GLYATL1: variants seen among roughly 807,000 people sequenced by gnomAD.
GLYATL1 encodes glycine N-acyltransferase-like protein 1.
GLYATL1 carries 15 observed loss-of-function variants against 20.0 expected under a neutral mutation model. That is an observed-to-expected ratio of 0.75 (90% CI 0.50 to 1.15). The LOEUF (loss-of-function observed/expected upper bound fraction) is 1.15, where lower values mean the gene tolerates loss of function less well. Among genes scored for constraint, GLYATL1 ranks in the 50% most tolerant of loss-of-function variants. GLYATL1 has a pLI of 0.00. For synonymous variants in GLYATL1, 151 were observed against 131.5 expected, an observed-to-expected ratio of 1.15 and a Z score of -1.01; for missense variants, 380 against 368.5, an observed-to-expected ratio of 1.03 and a Z score of -0.26.
At chr11:58,955,516 CAAG>C in intron 6 of GLYATL1, 91 bp from the exon 7 acceptor site, 2 of 1,442,030 alleles carry the variant, frequency 1.4e-6, no homozygotes, top group Non-Finnish European at 1.9e-6. Flanking sequence ...AGTCTTTAAA[CAAG>C]AAGAGTTCCT....
At chr11:58,937,928 A>G (rs979636237), upstream of GLYATL1, among the ~76,000 whole-genome samples, 3 of 152,216 alleles carry the variant, frequency 2.0e-5, no homozygotes, top group African/African-American at 7.2e-5. Context: ...ACACTCAGCC[A>G]TACTATTCCC....
chr11:58,910,154 A>G (rs1226501212), downstream of GLYATL1, among the ~76,000 whole-genome samples: 1 of 14,738 alleles, frequency 6.8e-5, no homozygotes, highest in East Asian at 0.1. Context: ...ATTTCCATAC[A>G]TTATGGCTCC....
intron 4 of GLYATL1, among the ~76,000 whole-genome samples, chr11:58,953,390 G>GTTTTTTTTTTTTTTTTTTT (rs377318573): frequency 9.0e-6 from 1 of 110,970 alleles, no homozygotes; most frequent in African/African-American, 3.4e-5. Context: ...CTTACAGTCT[G>GTTTTTTTTTTTTTTTTTTT]TTTTTTTTTT....
At chr11:58,944,723 G>C (rs1856439857) in intron 2 of GLYATL1, among the ~76,000 whole-genome samples, 1 of 151,914 alleles carries the variant, frequency 6.6e-6, no homozygotes, top group Non-Finnish European at 1.5e-5. Flanking sequence ...TTGCTTTTCT[G>C]TAGTCTTCAC....
downstream of GLYATL1, among the ~76,000 whole-genome samples, chr11:58,909,960 A>G (rs1854999331): frequency 1.3e-5 from 2 of 152,156 alleles, no homozygotes; most frequent in African/African-American, 2.4e-5. Context: ...GGCTTCCTGC[A>G]TAGTGGCAAA....
In GLYATL1 at chr11:58,954,903, A is replaced by G; in HGVS notation, c.313+7A>G. 6.2e-7 allele frequency: 1 copy of G among 1,605,960 alleles called. No individual in the cohort carries two copies. The highest frequency in any genetic ancestry group is 8.5e-7 in the Non-Finnish European group (1 of 1,177,674). On this transcript the variant is annotated splice_region_variant and intron_variant, in intron 5 of 6. Coordinates refer to ENST00000532726, the MANE Select transcript of GLYATL1 (RefSeq NM_001389712.2). ...CAGAGACTCCAAATCCAAGGTAACG[A>G]GTCTGAAGAAATGGGCAAGCAGCTG...
upstream of GLYATL1, among the ~76,000 whole-genome samples, chr11:58,927,022 C>G (rs1209518581): frequency 6.6e-6 from 1 of 152,226 alleles, no homozygotes; most frequent in Non-Finnish European, 1.5e-5. Flanking sequence ...TTTGGCTACA[C>G]TTACATATAA....
intron 2 of GLYATL1, among the ~76,000 whole-genome samples, chr11:58,945,427 T>G (rs970889670): frequency 6.6e-6 from 1 of 152,046 alleles, no homozygotes; most frequent in Non-Finnish European, 1.5e-5. Flanking sequence ...TCAACAAAGG[T>G]CATTGCAAGG....
In GLYATL1 at chr11:58,955,812, G is replaced by T; in HGVS notation, c.694G>T (p.Ala232Ser). The stretch of plus-strand genomic sequence containing the variant: ...GGACCCTTCTTGTGAAGTAGGAATG[G>T]CCTACAGCATGGAAAAATACCGAAG... ...TMDPSCEVGM[A>S]YSMEKYRRTG... The change falls in exon 7 of 7, where the codon GCC becomes TCC. Residue 232 changes from alanine (A) to serine (S), a missense_variant. Ala to Ser is a moderately conservative substitution (Grantham distance 99, BLOSUM62 1). Coordinates refer to ENST00000532726, the MANE Select transcript of GLYATL1 (RefSeq NM_001389712.2). The T allele has an allele frequency of 6.2e-7, 1 of 1,614,200 alleles. No homozygotes were observed. The highest frequency in any genetic ancestry group is 8.5e-7 in the Non-Finnish European group (1 of 1,180,034).
At chr11:58,921,755 G>T (rs1373630638) in intron 1 of GLYATL1, among the ~76,000 whole-genome samples, 1 of 152,048 alleles carries the variant, frequency 6.6e-6, no homozygotes, top group Non-Finnish European at 1.5e-5. Flanking sequence ...CTCCTTCTTT[G>T]CCTTCTGATC....
At chr11:58,910,842 A>G (rs1470673351), downstream of GLYATL1, among the ~76,000 whole-genome samples, 1 of 152,176 alleles carries the variant, frequency 6.6e-6, no homozygotes, top group Non-Finnish European at 1.5e-5. Flanking sequence ...CAGTCTTCTG[A>G]GTATACAGTT....
At chr11:58,948,332 G>A (rs1856732939) in intron 4 of GLYATL1, among the ~76,000 whole-genome samples, 1 of 152,096 alleles carries the variant, frequency 6.6e-6, no homozygotes, top group African/African-American at 2.4e-5. Context: ...CAAGGCATAA[G>A]TCTACCAGTA....
In GLYATL1 at chr11:58,939,548, T is replaced by C. The variant is rs753873687; in HGVS notation, c.-269T>C. On this transcript the variant is annotated 5_prime_UTR_variant, in exon 1 of 7. Coordinates refer to ENST00000532726, the MANE Select transcript of GLYATL1 (RefSeq NM_001389712.2). ...AAGCAGCTGCTTACCCAATTTTGGC[T>C]GGAGAGATAAGTACCCTCTGGGGCC... 6.6e-6 allele frequency: 1 copy of C among 152,206 alleles called. No homozygotes were observed. Among genetic ancestry groups the C allele is most frequent in the Non-Finnish European group, 1.5e-5 (1 of 68,048 alleles). The allele number at this position is 152,206 out of a possible 1,614,324, so 9.4% of individuals were successfully genotyped here.
At position 58,947,976 on chromosome 11, in the gene GLYATL1, A is replaced by T. The variant is rs1446640619; in HGVS notation, c.186+11A>T. 2 of 1,586,058 alleles carry T rather than the reference A, an allele frequency of 1.3e-6. No homozygotes were observed. The highest frequency in any genetic ancestry group is 4.5e-5 in the East Asian group (2 of 44,766). ...CGGCCTCAAAAGCAGGTAGGCACAC[A>T]GACAGGGACTGGTGGAGCCAGGCAG... On this transcript the variant is annotated intron_variant, in intron 4 of 6. Coordinates refer to ENST00000532726, the MANE Select transcript of GLYATL1 (RefSeq NM_001389712.2).
At chr11:58,947,283 G>C in intron 3 of GLYATL1, 118 bp downstream of exon 3, 1 of 1,370,102 alleles carries the variant, frequency 7.3e-7, no homozygotes. Context: ...TGGGAAACAG[G>C]ATGGGACTGG....
At chr11:58,913,262 G>A (rs1855094241), downstream of GLYATL1, among the ~76,000 whole-genome samples, 1 of 152,136 alleles carries the variant, frequency 6.6e-6, no homozygotes, top group South Asian at 2.1e-4. Context: ...AAAAGGGAGG[G>A]GGCCTGGAGT....
intron 1 of GLYATL1, among the ~76,000 whole-genome samples, chr11:58,931,833 G>T (rs1590778961): frequency 1.3e-5 from 2 of 152,116 alleles, no homozygotes; most frequent in East Asian, 1.9e-4. Context: ...ATACTAAAAA[G>T]AAAAATAATC....
intron 1 of GLYATL1, among the ~76,000 whole-genome samples, chr11:58,931,240 G>A (rs1855587565): frequency 6.6e-6 from 1 of 152,158 alleles, no homozygotes; most frequent in Non-Finnish European, 1.5e-5. Flanking sequence ...TTCCCTCTGT[G>A]TCTGTCTCTA....
chr11:58,946,845 T>C lies in GLYATL1; in HGVS notation c.-42-201T>C, dbSNP rs1856599415. The C allele has an allele frequency of 2.9e-5, 18 of 615,584 alleles. No individual in the cohort carries two copies. In the South Asian group the frequency reaches 3.5e-4, roughly 12 times the overall value. The allele number at this position is 615,584 out of a possible 1,614,324, so 38.1% of individuals were successfully genotyped here. ...GGCATGGGTTTTGGAGACAGTCATATATGGTTTCAAAATCTGACTCTGGCA... is the reference window on the plus strand; with the variant it reads ...GGCATGGGTTTTGGAGACAGTCATACATGGTTTCAAAATCTGACTCTGGCA... On this transcript the variant is annotated intron_variant, in intron 2 of 6. Transcript: ENST00000532726.
Sources: gnomAD v4.1 joint callset for allele counts (sites outside exome capture counted in the v4.1 genomes callset) on GRCh38, gnomAD v4.1.1 for gene constraint, MANE v1.5 for transcripts, NCBI Gene and HGNC (gene_info 2026-07-23, HGNC 2026-07-21) for gene names.